Variants in PMFBP1 observed in about 807,000 individuals in gnomAD.
The protein encoded by PMFBP1 is polyamine modulated factor 1 binding protein 1, also known as polyamine-modulated factor 1-binding protein 1.
Under a neutral mutation model 137.8 loss-of-function variants are expected in PMFBP1, and 131 were observed. The observed-to-expected ratio is 0.95, with a 90% CI of 0.82 to 1.10. The LOEUF (loss-of-function observed/expected upper bound fraction) is 1.10, where lower values mean the gene tolerates loss of function less well. Among genes scored for constraint, PMFBP1 ranks in the 50% least tolerant of loss-of-function variants. The pLI is 0.00. For missense variants in PMFBP1, 1,199 were observed against 1,175.4 expected (o/e 1.02, Z -0.29); for synonymous variants, 490 against 450.4 (o/e 1.09, Z -1.11).
Position 72,128,844 on chromosome 16 carries a change from A to T in PMFBP1, c.1951-50T>A, listed in dbSNP as rs761271092. On this transcript the variant is annotated intron_variant, in intron 13 of 20. Transcript: ENST00000237353. ...CACAGCAAAGAGGTGTTAATCTCAGATAACTATAAAAGCCCCACTCCACCC... is the reference window on the plus strand; with the variant it reads ...CACAGCAAAGAGGTGTTAATCTCAGTTAACTATAAAAGCCCCACTCCACCC... 1.9e-6 allele frequency: 3 copies of T among 1,609,596 alleles called. No individual in the cohort carries two copies. In the Admixed American group the frequency reaches 5.0e-5, roughly 27 times the overall value.
the PMFBP1 span, among the ~76,000 whole-genome samples, chr16:72,235,714 T>G: frequency 7.3e-6 from 1 of 137,080 alleles, no homozygotes; most frequent in Non-Finnish European, 1.5e-5. Context: ...TGAACCTCTT[T>G]TATTAAATTT....
intron 12 of PMFBP1, 145 bp from the exon 13 acceptor site, chr16:72,129,378 T>A: frequency 1.1e-6 from 1 of 898,884 alleles, no homozygotes; most frequent in Non-Finnish European, 1.6e-6. Context: ...ATAAAAGGTT[T>A]CCTCCAACGC....
At chr16:72,198,275 T>C in the PMFBP1 span, among the ~76,000 whole-genome samples, 11 of 152,200 alleles carry the variant, frequency 7.2e-5, no homozygotes, top group Admixed American at 3.9e-4. Context: ...TTAACCTCAA[T>C]CGCTTCCAGC....
chr16:72,138,928 A>AG lies in PMFBP1; in HGVS notation c.918+360dup, dbSNP rs771330791. ...CAGAGTTCTCAAAAAAAAAAAAAAA[A>AG]GCAGGGGGAATAAATTTGGATTAAT... On this transcript the variant is annotated intron_variant, in intron 7 of 20. Transcript: ENST00000237353. Among the ~76,000 whole-genome samples, 4 of 151,716 alleles carry AG rather than the reference A, an allele frequency of 2.6e-5. No individual in the cohort carries two copies. In the East Asian group the frequency reaches 7.7e-4, roughly 29 times the overall value.
the PMFBP1 span, among the ~76,000 whole-genome samples, chr16:72,222,458 A>T: frequency 6.6e-6 from 1 of 152,162 alleles, no homozygotes; most frequent in East Asian, 1.9e-4. Context: ...CAAGCATGGT[A>T]TCAGGTCTGG....
the PMFBP1 span, among the ~76,000 whole-genome samples, chr16:72,215,375 A>C: frequency 0.035 from 5,267 of 152,232 alleles, 295 homozygotes; most frequent in African/African-American, 0.12. Context: ...AGAGAAAAAA[A>C]AAACAAACAA....
At chr16:72,239,276 A>G in the PMFBP1 span, among the ~76,000 whole-genome samples, 1 of 152,206 alleles carries the variant, frequency 6.6e-6, no homozygotes, top group Non-Finnish European at 1.5e-5. Context: ...CAGGAAGACT[A>G]TGAAAGGCCA....
chr16:72,218,219 A>G, the PMFBP1 span, among the ~76,000 whole-genome samples: 1 of 152,248 alleles, frequency 6.6e-6, no homozygotes, highest in Admixed American at 6.5e-5. Flanking sequence ...GAGACACTCA[A>G]TAGATCCTTT....
chr16:72,149,815 G>C (rs2042873828), intron 5 of PMFBP1, among the ~76,000 whole-genome samples: 1 of 152,120 alleles, frequency 6.6e-6, no homozygotes, highest in Non-Finnish European at 1.5e-5. Flanking sequence ...CATTTTGAAA[G>C]TAAGTTTTAA....
At chr16:72,195,350 C>A in the PMFBP1 span, among the ~76,000 whole-genome samples, 3 of 152,118 alleles carry the variant, frequency 2.0e-5, no homozygotes, top group East Asian at 3.9e-4. Context: ...GTCAGACCTA[C>A]ACTGAAGTCT....
the PMFBP1 span, among the ~76,000 whole-genome samples, chr16:72,241,945 G>A: frequency 2.0e-3 from 310 of 152,080 alleles, no homozygotes; most frequent in Middle Eastern, 0.017. Context: ...AATTAACATA[G>A]TCTCCTTCTC....
chr16:72,138,819 C>G (rs927587204), intron 7 of PMFBP1, among the ~76,000 whole-genome samples: 1 of 150,464 alleles, frequency 6.6e-6, no homozygotes, highest in Non-Finnish European at 1.5e-5. Flanking sequence ...CCTGGCCACT[C>G]AATTCTTGCT....
intron 2 of PMFBP1, among the ~76,000 whole-genome samples, chr16:72,168,063 A>G (rs2043170588): frequency 6.6e-6 from 1 of 152,230 alleles, no homozygotes; most frequent in Non-Finnish European, 1.5e-5. Flanking sequence ...TACATTTAGC[A>G]TCGGCTCAGA....
At chr16:72,123,014 A>G (rs372502902) in intron 18 of PMFBP1, 26 bp from the exon 19 acceptor site, 16 of 1,603,186 alleles carry the variant, frequency 1.0e-5, no homozygotes, top group African/African-American at 1.3e-5. Context: ...AGGAGAAAAC[A>G]GCAGCCAGTC....
intron 7 of PMFBP1, among the ~76,000 whole-genome samples, chr16:72,137,723 G>A (rs1214800909): frequency 6.6e-6 from 1 of 152,222 alleles, no homozygotes; most frequent in Non-Finnish European, 1.5e-5. Flanking sequence ...CCCTGAAGGA[G>A]AGGGGATGCC....
chr16:72,199,623 C>G, the PMFBP1 span, among the ~76,000 whole-genome samples: 1 of 134,276 alleles, frequency 7.4e-6, no homozygotes, highest in African/African-American at 2.8e-5. Context: ...CATTGCACTC[C>G]AGCCTGGAAG....
At chr16:72,174,409 G>A (rs902612627), upstream of PMFBP1, among the ~76,000 whole-genome samples, 5 of 152,114 alleles carry the variant, frequency 3.3e-5, no homozygotes, top group African/African-American at 4.8e-5. Flanking sequence ...TCTTTAAGGC[G>A]TCTCCAGAGT....
At chr16:72,122,813 T>C (rs1054497386) in intron 19 of PMFBP1, 101 bp downstream of exon 19, 5 of 1,117,466 alleles carry the variant, frequency 4.5e-6, no homozygotes, top group Non-Finnish European at 6.5e-6. Flanking sequence ...AGGCCTTTCC[T>C]GGGCTGATCC....
the PMFBP1 span, among the ~76,000 whole-genome samples, chr16:72,236,204 T>G: frequency 6.6e-6 from 1 of 152,192 alleles, no homozygotes; most frequent in Non-Finnish European, 1.5e-5. Context: ...CATGAATGGG[T>G]ATTAGATTTT....
Sources: allele counts gnomAD v4.1 joint callset (sites outside exome capture counted in the v4.1 genomes callset), GRCh38; gene constraint gnomAD v4.1.1; transcripts MANE v1.5; gene names NCBI Gene and HGNC (gene_info 2026-07-23, HGNC 2026-07-21).